The following MICU3 variants were observed in gnomAD, a reference collection of about 807,000 sequenced individuals.
The protein encoded by MICU3 is mitochondrial calcium uptake 3.
In MICU3, 62 loss-of-function variants were observed where a neutral mutation model predicts 66.5. The observed-to-expected ratio is 0.93, with a 90% CI of 0.76 to 1.15. MICU3 has a LOEUF of 1.15. Ranked by LOEUF, MICU3 falls within the 50% of genes most tolerant of loss-of-function variation. The probability of loss-of-function intolerance (pLI) is 0.00; values close to 1 mark genes in which losing one functional copy is unlikely to be tolerated. For synonymous variants in MICU3, 308 were observed against 240.7 expected, an observed-to-expected ratio of 1.28 and a Z score of -2.59; for missense variants, 779 against 664.4, an observed-to-expected ratio of 1.17 and a Z score of -1.90.
rs377470173 is a variant in MICU3 at position 17,068,631 on chromosome 8, A to C, written c.536-1057A>C. ...TACACATTTGTATCAACTATCTTGG[A>C]TAGATGAAGGATGTTGTTGCTACAT... On this transcript the variant is annotated intron_variant, in intron 2 of 14. Coordinates refer to ENST00000318063, the MANE Select transcript of MICU3 (RefSeq NM_181723.3). Among the ~76,000 whole-genome samples, 187 of 152,268 alleles carry C rather than the reference A, an allele frequency of 1.2e-3. 4 individuals are homozygous for C. Among genetic ancestry groups the C allele is most frequent in the African/African-American group, 4.2e-3 (176 of 41,562 alleles).
chr8:17,060,615 A>G (rs1160393588), intron 1 of MICU3, among the ~76,000 whole-genome samples: 1 of 152,020 alleles, frequency 6.6e-6, no homozygotes, highest in African/African-American at 2.4e-5. Context: ...CCTGGCCATT[A>G]CTTACATTTA....
At chr8:17,063,131 T>G (rs1226448437) in intron 1 of MICU3, among the ~76,000 whole-genome samples, 1 of 152,148 alleles carries the variant, frequency 6.6e-6, no homozygotes, top group Non-Finnish European at 1.5e-5. Context: ...GTCAGATTAC[T>G]GAATGATATA....
intron 3 of MICU3, among the ~76,000 whole-genome samples, chr8:17,070,224 C>G (rs909578099): frequency 1.3e-5 from 2 of 151,512 alleles, no homozygotes; most frequent in Non-Finnish European, 2.9e-5. Flanking sequence ...ATATGATGGC[C>G]CCAAAACTTT....
At chr8:17,118,008 G>A (rs1383796317) in intron 13 of MICU3, among the ~76,000 whole-genome samples, 1 of 152,196 alleles carries the variant, frequency 6.6e-6, no homozygotes, top group Non-Finnish European at 1.5e-5. Flanking sequence ...TAAAGTCCAA[G>A]CTACTTGAGT....
intron 1 of MICU3, among the ~76,000 whole-genome samples, chr8:17,046,767 G>T (rs552776416): frequency 8.3e-4 from 127 of 152,150 alleles, no homozygotes; most frequent in African/African-American, 2.8e-3. Context: ...TCTTATGTCT[G>T]GTATAAGCTG....
chr8:17,079,865 A>G (rs1021127926), intron 4 of MICU3, among the ~76,000 whole-genome samples: 3 of 152,176 alleles, frequency 2.0e-5, no homozygotes, highest in African/African-American at 7.2e-5. Flanking sequence ...TATGCATTTA[A>G]ATAATAAAAA....
At chr8:17,131,107 C>T in the MICU3 span, 3 of 152,154 alleles carry the variant, frequency 2.0e-5, no homozygotes, top group African/African-American at 7.2e-5. Flanking sequence ...AGACAAAAAC[C>T]ACCATTTAAA....
chr8:17,094,712 A>G (rs1412442533), intron 8 of MICU3, among the ~76,000 whole-genome samples: 1 of 151,978 alleles, frequency 6.6e-6, no homozygotes, highest in Non-Finnish European at 1.5e-5. Flanking sequence ...TTGTTCTTTC[A>G]AGTAAAAGTG....
intron 8 of MICU3, among the ~76,000 whole-genome samples, chr8:17,092,291 AT>A (rs577152653): frequency 6.0e-5 from 9 of 150,840 alleles, no homozygotes; most frequent in East Asian, 1.9e-4. Context: ...GTCATTATGC[AT>A]TTTTTTTTAG....
At chr8:17,117,532 G>GA (rs571470571) in intron 13 of MICU3, among the ~76,000 whole-genome samples, 31 of 150,584 alleles carry the variant, frequency 2.1e-4, no homozygotes, top group African/African-American at 7.1e-4. Flanking sequence ...TAGAAAAAGA[G>GA]AAAAAATGTT....
chr8:17,108,846 C>A (rs1459660092), intron 11 of MICU3, among the ~76,000 whole-genome samples: 1 of 152,182 alleles, frequency 6.6e-6, no homozygotes, highest in African/African-American at 2.4e-5. Context: ...GTGGCTCCTA[C>A]ACACACTGCT....
chr8:17,103,576 A>AGAAGGAAGGAAG (rs35799459), intron 9 of MICU3, among the ~76,000 whole-genome samples: 3 of 150,732 alleles, frequency 2.0e-5, no homozygotes, highest in Non-Finnish European at 4.4e-5. Flanking sequence ...GGCCAACTGG[A>AGAAGGAAGGAAG]GAAGGAAGGA....
rs538058547 is a variant in MICU3, at chr8:17,121,394, CACA to C, written c.*1112_*1114del. 167 of 151,714 alleles carry C rather than the reference CACA, an allele frequency of 1.1e-3. No homozygotes were observed. Among genetic ancestry groups the C allele is most frequent in the Middle Eastern group, 7.0e-3 (2 of 286 alleles). 9.4% of individuals were successfully genotyped at this position (151,714 alleles called of 1,614,324 possible). ...GGAAAATAAAAACTTTCTGTTGAAT[CACA>C]ACAAAATTAGATTTGTACATAGAGA... On this transcript the variant is annotated 3_prime_UTR_variant, in exon 15 of 15. Coordinates refer to ENST00000318063, the MANE Select transcript of MICU3 (RefSeq NM_181723.3).
intron 11 of MICU3, among the ~76,000 whole-genome samples, chr8:17,111,929 G>A (rs186543543): frequency 8.5e-5 from 13 of 152,124 alleles, no homozygotes; most frequent in African/African-American, 2.2e-4. Context: ...CAATCATGGC[G>A]GAAGGCAAAG....
intron 8 of MICU3, among the ~76,000 whole-genome samples, chr8:17,097,919 A>G (rs73194729): frequency 0.13 from 19,039 of 151,774 alleles, 1,514 homozygotes; most frequent in Admixed American, 0.17. Flanking sequence ...CCAAATCTCA[A>G]GTAGTTTTGA....
chr8:17,035,883 T>C (rs1262813200), intron 1 of MICU3, among the ~76,000 whole-genome samples: 1 of 151,776 alleles, frequency 6.6e-6, no homozygotes, highest in African/African-American at 2.4e-5. Flanking sequence ...ACCAAGACAG[T>C]GGGAAGAATG....
chr8:17,094,911 C>T (rs150393466), intron 8 of MICU3, among the ~76,000 whole-genome samples: 173 of 151,980 alleles, frequency 1.1e-3, no homozygotes, highest in African/African-American at 3.9e-3. Flanking sequence ...AACAGTTTGC[C>T]GTATTTTTAT....
chr8:17,051,890 TAGAG>T lies in MICU3; in HGVS notation c.382-12191_382-12188del, dbSNP rs1816150867. Among the ~76,000 whole-genome samples the T allele has an allele frequency of 2.0e-5, 3 of 151,902 alleles. No individual in the cohort carries two copies. In the East Asian group the frequency reaches 5.8e-4, roughly 29 times the overall value. On this transcript the variant is annotated intron_variant, in intron 1 of 14. Coordinates refer to ENST00000318063, the MANE Select transcript of MICU3 (RefSeq NM_181723.3). ...AGGGAGGAGAGCAAAGGTAGCTAAA[TAGAG>T]AGGAGGGACAGGGCACTTTCTAAGG...
chr8:17,038,878 G>C (rs1813526113), intron 1 of MICU3, among the ~76,000 whole-genome samples: 2 of 151,776 alleles, frequency 1.3e-5, no homozygotes, highest in South Asian at 4.2e-4. Flanking sequence ...GCTTGAACCT[G>C]GGAGGTGGAG....
Sources: allele counts gnomAD v4.1 joint callset (sites outside exome capture counted in the v4.1 genomes callset), GRCh38; gene constraint gnomAD v4.1.1; transcripts MANE v1.5; gene names NCBI Gene and HGNC (gene_info 2026-07-23, HGNC 2026-07-21).